The following CTNNA3 variants were observed in gnomAD, a reference collection of about 807,000 sequenced individuals.
The protein encoded by CTNNA3 is catenin alpha 3.
Under a neutral mutation model 95.7 loss-of-function variants are expected in CTNNA3, and 76 were observed. That is an observed-to-expected ratio of 0.79 (90% confidence interval 0.66 to 0.96). The LOEUF (loss-of-function observed/expected upper bound fraction) is 0.96, where lower values mean the gene tolerates loss of function less well. CTNNA3 is among the 40% of genes least tolerant of loss of function. The pLI is 0.00. For synonymous variants in CTNNA3, 431 were observed against 374.4 expected (o/e 1.15, Z -1.74); for missense variants, 1,191 against 1,089.8 (o/e 1.09, Z -1.31).
intron 15 of CTNNA3, among the ~76,000 whole-genome samples, chr10:66,033,948 C>G (rs532022563): frequency 6.6e-6 from 1 of 152,188 alleles, no homozygotes; most frequent in African/African-American, 2.4e-5. Context: ...CTGGCATTTA[C>G]CACTTGTGAG....
intron 1 of CTNNA3, among the ~76,000 whole-genome samples, chr10:67,724,084 AAT>A (rs1841195131): frequency 6.6e-6 from 1 of 152,172 alleles, no homozygotes; most frequent in Non-Finnish European, 1.5e-5. Context: ...TGACCCTGAT[AAT>A]GCAAGCTTAT....
intron 5 of CTNNA3, among the ~76,000 whole-genome samples, chr10:67,503,642 G>A (rs1483000698): frequency 6.6e-6 from 1 of 152,068 alleles, no homozygotes; most frequent in Non-Finnish European, 1.5e-5. Context: ...TGTGTTCACT[G>A]ACCTCATATT....
chr10:66,539,270 C>G (rs186438451), intron 10 of CTNNA3, among the ~76,000 whole-genome samples: 2 of 152,122 alleles, frequency 1.3e-5, no homozygotes, highest in African/African-American at 4.8e-5. Flanking sequence ...GAAAGAGGGG[C>G]AGGTGAGCAG....
intron 7 of CTNNA3, among the ~76,000 whole-genome samples, chr10:66,967,311 T>C (rs148224205): frequency 1.3e-4 from 20 of 150,922 alleles, no homozygotes; most frequent in African/African-American, 4.1e-4. Context: ...TAGGTATAGA[T>C]AGATATAGAT....
At chr10:66,960,575 A>G (rs906270141) in intron 7 of CTNNA3, among the ~76,000 whole-genome samples, 6 of 152,216 alleles carry the variant, frequency 3.9e-5, no homozygotes, top group African/African-American at 1.4e-4. Flanking sequence ...TGACTACAAG[A>G]GAAAAGAGAG....
chr10:67,485,836 A>G (rs1341960682), intron 5 of CTNNA3, among the ~76,000 whole-genome samples: 1 of 152,212 alleles, frequency 6.6e-6, no homozygotes, highest in East Asian at 1.9e-4. Context: ...GCTTTCCTTC[A>G]AATAAGTCAA....
At chr10:67,277,410 G>A (rs139100052) in intron 5 of CTNNA3, among the ~76,000 whole-genome samples, 97 of 152,286 alleles carry the variant, frequency 6.4e-4, no homozygotes, top group African/African-American at 1.9e-3. Context: ...TAGAGGAAAG[G>A]TAGTCAGAAG....
At chr10:66,649,214 T>A (rs537767048) in intron 9 of CTNNA3, among the ~76,000 whole-genome samples, 6 of 151,884 alleles carry the variant, frequency 4.0e-5, no homozygotes, top group African/African-American at 7.3e-5. Context: ...AAGGAGTAGA[T>A]GGGAGGTAAA....
At chr10:67,645,954 T>C (rs1033481944) in intron 2 of CTNNA3, among the ~76,000 whole-genome samples, 1 of 148,064 alleles carries the variant, frequency 6.8e-6, no homozygotes, top group Non-Finnish European at 1.5e-5. Context: ...TATATATATA[T>C]AATATATATA....
intron 13 of CTNNA3, among the ~76,000 whole-genome samples, chr10:66,108,782 GC>G (rs1170415195): frequency 6.6e-6 from 1 of 152,072 alleles, no homozygotes; most frequent in Non-Finnish European, 1.5e-5. Flanking sequence ...TTACTGACAA[GC>G]TTTTGTTATT....
intron 11 of CTNNA3, among the ~76,000 whole-genome samples, chr10:66,413,478 T>C (rs2093123819): frequency 6.6e-6 from 1 of 152,182 alleles, no homozygotes; most frequent in Non-Finnish European, 1.5e-5. Context: ...CTCTGAATAT[T>C]TATAATGACT....
In CTNNA3 at chr10:66,766,280, G is replaced by C. The variant is rs1331080432; in HGVS notation, c.1265C>G (p.Thr422Ser). The C allele has an allele frequency of 1.2e-6, 2 of 1,613,784 alleles. No individual in the cohort carries two copies. The highest frequency in any genetic ancestry group is 8.5e-7 in the Non-Finnish European group (1 of 1,179,808). Residue 422 changes from threonine to serine, a missense_variant, in exon 9 of 18, where the codon ACC becomes AGC. Coordinates refer to ENST00000433211, the MANE Select transcript of CTNNA3 (RefSeq NM_013266.4). ...CATGCTTACCTCTACAAGCCTGCTG[G>C]TGTGTTCATGAAATATCGCAGCATA... is the stretch of plus-strand genomic sequence containing the variant. ...KEYAAIFHEH[T>S]SRLVEVANLA...
chr10:66,532,197 T>C (rs1376489888), intron 10 of CTNNA3, among the ~76,000 whole-genome samples: 1 of 152,160 alleles, frequency 6.6e-6, no homozygotes, highest in African/African-American at 2.4e-5. Flanking sequence ...GCGCAGTGGC[T>C]CACACCTGTA....
intron 7 of CTNNA3, among the ~76,000 whole-genome samples, chr10:67,131,452 T>A (rs1322372440): frequency 2.0e-5 from 3 of 152,188 alleles, no homozygotes; most frequent in Non-Finnish European, 1.5e-5. Context: ...TATTGTGTTA[T>A]TATTATTATT....
chr10:67,370,140 G>A (rs1254923502), intron 5 of CTNNA3, among the ~76,000 whole-genome samples: 1 of 152,092 alleles, frequency 6.6e-6, no homozygotes, highest in East Asian at 1.9e-4. Flanking sequence ...ATAAAGGACT[G>A]GTCAAACAAA....
At chr10:66,132,815 A>G (rs2083178640) in intron 13 of CTNNA3, among the ~76,000 whole-genome samples, 1 of 152,172 alleles carries the variant, frequency 6.6e-6, no homozygotes, top group South Asian at 2.1e-4. Context: ...ACCAAATACC[A>G]CATGTTCTCA....
At position 66,605,510 on chromosome 10, in the gene CTNNA3, G is replaced by A. The variant is rs12246426; in HGVS notation, c.1374+16182C>T. On this transcript the variant is annotated intron_variant, in intron 10 of 17. Coordinates refer to ENST00000433211, the MANE Select transcript of CTNNA3 (RefSeq NM_013266.4). ...ATCGCTCCAAGACATACAATCATCAGATTCCTCAAGGTCAAAATGAAAGAA... is the reference window on the plus strand; with the variant it reads ...ATCGCTCCAAGACATACAATCATCAAATTCCTCAAGGTCAAAATGAAAGAA... 7.5e-3 allele frequency among the ~76,000 whole-genome samples: 1,146 copies of A among 152,198 alleles called. 20 individuals are homozygous for A. The highest frequency in any genetic ancestry group is 0.026 in the African/African-American group (1,088 of 41,532).
intron 13 of CTNNA3, among the ~76,000 whole-genome samples, chr10:66,119,125 T>A (rs1029734066): frequency 1.7e-4 from 26 of 152,152 alleles, no homozygotes; most frequent in African/African-American, 5.8e-4. Context: ...AGATACAGAT[T>A]ACATTCAGCA....
At chr10:67,410,345 C>T (rs1158034674) in intron 5 of CTNNA3, among the ~76,000 whole-genome samples, 1 of 151,868 alleles carries the variant, frequency 6.6e-6, no homozygotes, top group African/African-American at 2.4e-5. Context: ...CACACTGGGT[C>T]CTGTCAAAGG....
Sources: gnomAD v4.1 joint callset for allele counts (sites outside exome capture counted in the v4.1 genomes callset) on GRCh38, gnomAD v4.1.1 for gene constraint, MANE v1.5 for transcripts, NCBI Gene and HGNC (gene_info 2026-07-23, HGNC 2026-07-21) for gene names.